EPC1: variants seen among roughly 807,000 people sequenced by gnomAD.
EPC1 encodes the protein enhancer of polycomb homolog 1.
A neutral mutation model predicts 98.4 loss-of-function variants in EPC1; 12 were observed. That is an observed-to-expected ratio of 0.12 (90% CI 0.08 to 0.20). EPC1 has a LOEUF of 0.20. Ranked by LOEUF, EPC1 falls within the 10% of genes least tolerant of loss-of-function variation. The probability of loss-of-function intolerance (pLI) is 1.00; values close to 1 mark genes in which losing one functional copy is unlikely to be tolerated. For synonymous variants in EPC1, 357 were observed against 363.9 expected, an observed-to-expected ratio of 0.98 and a Z score of 0.21; for missense variants, 729 against 990.5, an observed-to-expected ratio of 0.74 and a Z score of 3.54.
chr10:32,345,463 C>T lies in EPC1; in HGVS notation c.153+1300G>A, dbSNP rs115477227. ...TCTTACAGTACCAAGAGAAGTATTA[C>T]AGTACAATTTTCCACAACAAAATTG... On this transcript the variant is annotated intron_variant, in intron 1 of 13. Coordinates refer to ENST00000319778, the MANE Select transcript of EPC1 (RefSeq NM_001272004.3). 239 of 985,386 alleles carry T rather than the reference C, an allele frequency of 2.4e-4. No homozygotes were observed. The African/African-American group carries it at 3.9e-3, about 16-fold the overall frequency. 61.0% of individuals were successfully genotyped at this position (985,386 alleles called of 1,614,324 possible). A position where few individuals can be genotyped will look rare whatever the true frequency, so the allele number is the denominator to read the frequency against.
Position 32,290,609 on chromosome 10 carries a change from CTTG to C in EPC1, c.975+551_975+553del, listed in dbSNP as rs1336489899. Among the ~76,000 whole-genome samples the C allele has an allele frequency of 4.6e-5, 7 of 151,092 alleles. No homozygotes were observed. The East Asian group carries it at 1.4e-3, about 30-fold the overall frequency. ...ATTTCAATACTTCATAATCCTACAACTTGTAAAAGGAATATTTTTCCTTTTATC... is the reference window on the plus strand; with the variant it reads ...ATTTCAATACTTCATAATCCTACAACTAAAAGGAATATTTTTCCTTTTATC... On this transcript the variant is annotated intron_variant, in intron 6 of 13. Coordinates refer to ENST00000319778, the MANE Select transcript of EPC1 (RefSeq NM_001272004.3).
intron 1 of EPC1, among the ~76,000 whole-genome samples, chr10:32,317,478 C>G (rs1308462051): frequency 6.8e-6 from 1 of 147,074 alleles, no homozygotes; most frequent in Admixed American, 7.0e-5. Flanking sequence ...CCTGTCTCTA[C>G]TAAAAATAAA....
intron 6 of EPC1, among the ~76,000 whole-genome samples, chr10:32,288,437 C>T (rs899762992): frequency 4.0e-5 from 6 of 151,508 alleles, no homozygotes; most frequent in African/African-American, 1.5e-4. Context: ...GCCTCAGCCT[C>T]CCAAGTACCT....
rs746219062 is a variant in EPC1, at chr10:32,305,887, G to A, written c.198C>T (p.Gly66=). 35 of 1,610,878 alleles carry A rather than the reference G, an allele frequency of 2.2e-5. No homozygotes were observed. The Admixed American group carries it at 2.4e-4, about 11-fold the overall frequency. ...GTATAACCATATTATCCCTCTTCTC[G>A]CCATACACCTGCTGTGCTGAAATAG... ...QRAISAQQVY[G]EKRDNMVIPV... is the part of the protein sequence containing the mutation. Residue 66 remains glycine (G), a synonymous_variant, in exon 2 of 14, where the codon GGC becomes GGT. Transcript: ENST00000319778.
At chr10:32,334,626 A>G (rs1837846259) in intron 1 of EPC1, among the ~76,000 whole-genome samples, 1 of 152,180 alleles carries the variant, frequency 6.6e-6, no homozygotes, top group Non-Finnish European at 1.5e-5. Flanking sequence ...TGGAAAGTCT[A>G]CTGTATATTA....
intron 1 of EPC1, among the ~76,000 whole-genome samples, chr10:32,367,175 T>C (rs150525373): frequency 2.0e-3 from 305 of 152,252 alleles, no homozygotes; most frequent in Middle Eastern, 0.01. Context: ...TTTGTATTTT[T>C]AGTAGAGGTA....
chr10:32,282,478 C>T (rs1273448842), intron 10 of EPC1: 1 of 152,004 alleles, frequency 6.6e-6, no homozygotes, highest in Non-Finnish European at 1.5e-5. Flanking sequence ...ATGACTGTGC[C>T]ACTATACTCC....
intron 2 of EPC1, among the ~76,000 whole-genome samples, chr10:32,305,200 A>C (rs1835804044): frequency 6.6e-6 from 1 of 152,252 alleles, no homozygotes; most frequent in South Asian, 2.1e-4. Flanking sequence ...TCTACTAGAA[A>C]AAACAGATTT....
Position 32,347,085 on chromosome 10 carries a change from G to A in EPC1, c.-170C>T, listed in dbSNP as rs1161720528. ...ACCAGCCGGGAGGGTGGGAGGCTGT[G>A]CCGCTCCGCTCCTCTCTCGCTCGCT... On this transcript the variant is annotated 5_prime_UTR_variant, in exon 1 of 14. Coordinates refer to ENST00000319778, the MANE Select transcript of EPC1 (RefSeq NM_001272004.3). 9.0e-6 allele frequency: 13 copies of A among 1,445,580 alleles called. No individual in the cohort carries two copies. The highest frequency in any genetic ancestry group is 4.3e-5 in the South Asian group (3 of 69,406). The allele number at this position is 1,445,580 out of a possible 1,614,324, so 89.5% of individuals were successfully genotyped here. A position where few individuals can be genotyped will look rare whatever the true frequency, so the allele number is the denominator to read the frequency against.
intron 1 of EPC1, among the ~76,000 whole-genome samples, chr10:32,313,729 T>C (rs568608199): frequency 6.0e-4 from 91 of 152,010 alleles, no homozygotes; most frequent in African/African-American, 2.1e-3. Context: ...CTACTAAAAA[T>C]ACAAAAATTA....
chr10:32,279,093 G>A (rs769380380), intron 10 of EPC1, among the ~76,000 whole-genome samples: 9 of 152,184 alleles, frequency 5.9e-5, no homozygotes, highest in Admixed American at 1.3e-4. Context: ...GCTCACGCCT[G>A]TAATCCCAGC....
At chr10:32,314,505 C>T (rs1836439773) in intron 1 of EPC1, among the ~76,000 whole-genome samples, 2 of 152,294 alleles carry the variant, frequency 1.3e-5, no homozygotes, top group South Asian at 2.1e-4. Flanking sequence ...AGTCACCCTG[C>T]TATGTATTTT....
rs115100787 is a variant in EPC1, at chr10:32,357,555, G to C, written c.3+20936C>G. Among the ~76,000 whole-genome samples the C allele has an allele frequency of 6.7e-3, 1,026 of 152,300 alleles. 15 individuals are homozygous for C. Among genetic ancestry groups the C allele is most frequent in the African/African-American group, 0.022 (904 of 41,554 alleles). On this transcript the variant is annotated intron_variant, in intron 1 of 13. Transcript: ENST00000375110. ...GGCTCACTGCAGCCTCAAACTTCTGGATTCAAGTGATCCTTCTGCCTCAGC... is the reference window on the plus strand; with the variant it reads ...GGCTCACTGCAGCCTCAAACTTCTGCATTCAAGTGATCCTTCTGCCTCAGC...
intron 2 of EPC1, among the ~76,000 whole-genome samples, chr10:32,301,209 G>A (rs1462274762): frequency 6.6e-6 from 1 of 152,014 alleles, no homozygotes; most frequent in African/African-American, 2.4e-5. Flanking sequence ...CGGAGAGCCA[G>A]GTATAAATCT....
chr10:32,281,353 T>C (rs1474973798), intron 10 of EPC1, among the ~76,000 whole-genome samples: 1 of 152,168 alleles, frequency 6.6e-6, no homozygotes, highest in Non-Finnish European at 1.5e-5. Flanking sequence ...CTGACTCTTC[T>C]GTTTTAATTA....
At chr10:32,322,982 G>A (rs563039930) in intron 1 of EPC1, among the ~76,000 whole-genome samples, 12 of 152,068 alleles carry the variant, frequency 7.9e-5, no homozygotes, top group African/African-American at 2.9e-4. Flanking sequence ...ACAACTAAAT[G>A]AGTGGAACTG....
intron 1 of EPC1, among the ~76,000 whole-genome samples, chr10:32,321,352 G>GT (rs200895681): frequency 9.1e-4 from 136 of 150,128 alleles, no homozygotes; most frequent in Middle Eastern, 3.4e-3. Context: ...ATATAGATCT[G>GT]TTTTTTTTTC....
intron 1 of EPC1, among the ~76,000 whole-genome samples, chr10:32,330,638 T>C (rs1483902258): frequency 6.6e-6 from 1 of 152,138 alleles, no homozygotes; most frequent in African/African-American, 2.4e-5. Flanking sequence ...GATCCAAATC[T>C]TAGAAATCCC....
At chr10:32,335,698 T>C (rs370054481) in intron 1 of EPC1, among the ~76,000 whole-genome samples, 4 of 152,298 alleles carry the variant, frequency 2.6e-5, no homozygotes, top group African/African-American at 9.6e-5. Flanking sequence ...ACTACCACAC[T>C]TCTGGCATCA....
Sources: allele counts gnomAD v4.1 joint callset (sites outside exome capture counted in the v4.1 genomes callset), GRCh38; gene constraint gnomAD v4.1.1; transcripts MANE v1.5; gene names NCBI Gene and HGNC (gene_info 2026-07-23, HGNC 2026-07-21).